Variants in COPS2 observed in about 807,000 individuals in gnomAD.
The protein encoded by COPS2 is COP9 signalosome subunit 2.
COPS2 carries 10 observed loss-of-function variants against 66.1 expected under a neutral mutation model. The ratio of observed to expected loss-of-function variants is 0.15; its 90% CI spans 0.09 to 0.26. The LOEUF is 0.26. Among genes scored for constraint, COPS2 ranks in the 10% least tolerant of loss-of-function variants. The probability of loss-of-function intolerance (pLI) is 1.00; values close to 1 mark genes in which losing one functional copy is unlikely to be tolerated. For synonymous variants in COPS2, 179 were observed against 171.3 expected, an observed-to-expected ratio of 1.04 and a Z score of -0.35; for missense variants, 215 against 513.3, an observed-to-expected ratio of 0.42 and a Z score of 5.62.
chr15:49,130,912 A>C, intron 9 of COPS2, 96 bp from the exon 10 acceptor site: 2 of 546,016 alleles, frequency 3.7e-6, no homozygotes, highest in African/African-American at 1.9e-5. Context: ...TTTCATATGC[A>C]AAAATCTAAA....
At chr15:49,128,792 A>G (rs902404449) in intron 11 of COPS2, 32 bp from the exon 12 acceptor site, 1 of 1,415,168 alleles carries the variant, frequency 7.1e-7, no homozygotes, top group Non-Finnish European at 9.8e-7. Flanking sequence ...ATACCAATTA[A>G]CATTTTAAAG....
chr15:49,148,084 A>G (rs182478790), intron 1 of COPS2, among the ~76,000 whole-genome samples: 27 of 152,296 alleles, frequency 1.8e-4, no homozygotes, highest in Non-Finnish European at 7.4e-5. Flanking sequence ...ATTATTCTTC[A>G]GTTATTACAC....
rs561576416 is a variant in COPS2 at position 49,127,819 on chromosome 15, A to G, written c.*131T>C. 4.2e-6 allele frequency: 4 copies of G among 958,728 alleles called. No individual in the cohort carries two copies. The highest frequency in any genetic ancestry group is 6.1e-6 in the Non-Finnish European group (4 of 656,046). The allele number at this position is 958,728 out of a possible 1,614,324, so 59.4% of individuals were successfully genotyped here. A position where few individuals can be genotyped will look rare whatever the true frequency, so the allele number is the denominator to read the frequency against. ...CAAAACACAAACCAGTTGATCAAAA[A>G]AGCACTTCTGCCATAACTCCAATAA... On this transcript the variant is annotated 3_prime_UTR_variant, in exon 13 of 13. Transcript: ENST00000388901.
At position 49,125,684 on chromosome 15, in the gene COPS2, T is replaced by C. The variant is rs891505575; in HGVS notation, c.*2266A>G. 1.3e-5 allele frequency: 2 copies of C among 152,082 alleles called. No homozygotes were observed. Among genetic ancestry groups the C allele is most frequent in the East Asian group, 3.8e-4 (2 of 5,198 alleles). 9.4% of individuals were successfully genotyped at this position (152,082 alleles called of 1,614,324 possible). A position where few individuals can be genotyped will look rare whatever the true frequency, so the allele number is the denominator to read the frequency against. ...GTTAAGATATATTTAAAAACCTGTATTCCAGAACAAAAGTCACAGATGACT... is the reference window on the plus strand; with the variant it reads ...GTTAAGATATATTTAAAAACCTGTACTCCAGAACAAAAGTCACAGATGACT... On this transcript the variant is annotated 3_prime_UTR_variant, in exon 13 of 13. Transcript: ENST00000388901.
chr15:49,144,748 AG>A (rs999679244), intron 2 of COPS2, among the ~76,000 whole-genome samples: 1 of 152,164 alleles, frequency 6.6e-6, no homozygotes, highest in Non-Finnish European at 1.5e-5. Context: ...GAACCATCCT[AG>A]TTTTTCAGGA....
intron 9 of COPS2, among the ~76,000 whole-genome samples, chr15:49,132,137 G>C (rs895132657): frequency 2.0e-5 from 3 of 152,030 alleles, no homozygotes; most frequent in African/African-American, 7.2e-5. Context: ...CTGCTGCTTA[G>C]CAATTTAACA....
intron 3 of COPS2, among the ~76,000 whole-genome samples, chr15:49,141,500 T>C (rs1389170232): frequency 6.6e-6 from 1 of 151,756 alleles, no homozygotes. Context: ...CAAGACTTCA[T>C]CTCAAAAGAA....
At chr15:49,129,799 T>C (rs2084195781) in intron 10 of COPS2, among the ~76,000 whole-genome samples, 1 of 152,178 alleles carries the variant, frequency 6.6e-6, no homozygotes, top group African/African-American at 2.4e-5. Flanking sequence ...TACTAAAATA[T>C]TATTTTGCCT....
chr15:49,140,905 A>G (rs16962112), intron 3 of COPS2, among the ~76,000 whole-genome samples: 10,303 of 152,162 alleles, frequency 0.068, 736 homozygotes, highest in African/African-American at 0.17. Context: ...GGCACAGCAC[A>G]AAGAACAAGA....
chr15:49,139,750 T>C, intron 3 of COPS2, 97 bp from the exon 4 acceptor site: 2 of 865,980 alleles, frequency 2.3e-6, no homozygotes, highest in Non-Finnish European at 3.5e-6. Flanking sequence ...CATAATGAAA[T>C]GTAGTTCATA....
chr15:49,144,180 T>C, intron 3 of COPS2, 47 bp downstream of exon 3: 1 of 1,244,232 alleles, frequency 8.0e-7, no homozygotes, highest in South Asian at 1.2e-5. Flanking sequence ...GATGAGGTTT[T>C]TACCTACAAA....
At position 49,128,737 on chromosome 15, in the gene COPS2, A is replaced by G. The variant is rs2084187182; in HGVS notation, c.1152T>C (p.Asp384=). The stretch of plus-strand genomic sequence containing the variant: ...TGCACTGCACCAGCAAGCTCTCCAC[A>G]TCAGCTACATCTATGTTTAACTCCT... The part of the protein sequence containing the change: ...ISKELNIDVA[D]VESLLVQCIL... Residue 384 remains aspartate, a synonymous_variant, in exon 12 of 13, where the codon GAT becomes GAC. Transcript: ENST00000388901. The G allele has an allele frequency of 6.2e-7, 1 of 1,608,960 alleles. No homozygotes were observed. Among genetic ancestry groups the G allele is most frequent in the Non-Finnish European group, 8.5e-7 (1 of 1,176,544 alleles).
In COPS2 at chr15:49,127,948, T is replaced by A. The variant is rs1391897238; in HGVS notation, c.*2A>T. 1.2e-6 allele frequency: 2 copies of A among 1,613,672 alleles called. No homozygotes were observed. Among genetic ancestry groups the A allele is most frequent in the African/African-American group, 2.7e-5 (2 of 74,936 alleles). ...AGGACGTCTGTAAAAGCTTGTTCTC[T>A]GTTAAGCCAGTTTACTGACTACAGC... On this transcript the variant is annotated 3_prime_UTR_variant, in exon 13 of 13. Coordinates refer to ENST00000388901, the MANE Select transcript of COPS2 (RefSeq NM_004236.4).
chr15:49,135,509 T>A (rs1308973959), intron 6 of COPS2, among the ~76,000 whole-genome samples: 3 of 152,078 alleles, frequency 2.0e-5, no homozygotes, highest in Non-Finnish European at 4.4e-5. Context: ...ACCAAGTGCC[T>A]AGGAGAATGA....
chr15:49,132,219 C>T (rs182461831), intron 9 of COPS2, among the ~76,000 whole-genome samples: 62 of 151,940 alleles, frequency 4.1e-4, no homozygotes, highest in East Asian at 1.4e-3. Flanking sequence ...ATAAAGATGA[C>T]GTTTCCTTTA....
At chr15:49,152,875 A>G (rs1280082897) in intron 1 of COPS2, among the ~76,000 whole-genome samples, 1 of 152,218 alleles carries the variant, frequency 6.6e-6, no homozygotes, top group African/African-American at 2.4e-5. Flanking sequence ...CTGCTCATGT[A>G]GCGTAGGCCC....
chr15:49,129,621 C>T (rs555501302), intron 10 of COPS2, 62 bp from the exon 11 acceptor site: 2 of 722,834 alleles, frequency 2.8e-6, no homozygotes, highest in East Asian at 6.3e-5. Flanking sequence ...CTTTATGGAT[C>T]ATTATGTACT....
Position 49,127,930 on chromosome 15 carries a change from C to T in COPS2, c.*20G>A, listed in dbSNP as rs2084180362. ...CTCTGCACTGTTGCCTTAAGGACGT[C>T]TGTAAAAGCTTGTTCTCTGTTAAGC... On this transcript the variant is annotated 3_prime_UTR_variant, in exon 13 of 13. Transcript: ENST00000388901. 6.2e-7 allele frequency: 1 copy of T among 1,612,436 alleles called. No homozygotes were observed. The highest frequency in any genetic ancestry group is 1.3e-5 in the African/African-American group (1 of 74,884).
In COPS2 at chr15:49,123,004, T is replaced by C. The variant is rs1279709297; in HGVS notation, c.*4946A>G. ...GGAGAAAATTTATAATGCAACCAAT[T>C]ATGTAACACATTGCAAAACCAAACA... On this transcript the variant is annotated 3_prime_UTR_variant, in exon 13 of 13. Transcript: ENST00000388901. The C allele has an allele frequency of 1.3e-5, 2 of 152,212 alleles. No homozygotes were observed. Among genetic ancestry groups the C allele is most frequent in the African/African-American group, 4.8e-5 (2 of 41,464 alleles). The allele number at this position is 152,212 out of a possible 1,614,324, so 9.4% of individuals were successfully genotyped here. A position where few individuals can be genotyped will look rare whatever the true frequency, so the allele number is the denominator to read the frequency against.
Sources: allele counts gnomAD v4.1 joint callset (sites outside exome capture counted in the v4.1 genomes callset), GRCh38; gene constraint gnomAD v4.1.1; transcripts MANE v1.5; gene names NCBI Gene and HGNC (gene_info 2026-07-23, HGNC 2026-07-21).